Variants in PARD3B observed in about 807,000 individuals in gnomAD.
PARD3B encodes the protein par-3 family cell polarity regulator beta.
Under a neutral mutation model 130.2 loss-of-function variants are expected in PARD3B, and 103 were observed. The ratio of observed to expected loss-of-function variants is 0.79; its 90% CI spans 0.67 to 0.93. PARD3B has a LOEUF of 0.93. Among genes scored for constraint, PARD3B ranks in the 40% least tolerant of loss-of-function variants. PARD3B has a pLI of 0.00. For missense variants in PARD3B, 1,609 were observed against 1,499.2 expected (o/e 1.07, Z -1.21); for synonymous variants, 583 against 553.2 (o/e 1.05, Z -0.76).
chr2:205,570,082 C>G (rs2053506978), intron 22 of PARD3B, among the ~76,000 whole-genome samples: 2 of 152,050 alleles, frequency 1.3e-5, no homozygotes, highest in African/African-American at 4.8e-5. Context: ...GAGACTTGTC[C>G]TGAGATTGTG....
rs913096857 is a variant in PARD3B, at chr2:204,836,250, AT to A, written c.223-128894del. Among the ~76,000 whole-genome samples, 411 of 152,208 alleles carry A rather than the reference AT, an allele frequency of 2.7e-3. 2 individuals are homozygous for A. The highest frequency in any genetic ancestry group is 9.2e-3 in the African/African-American group (381 of 41,520). On this transcript the variant is annotated intron_variant, in intron 2 of 22. Transcript: ENST00000406610. ...TCATTCTATAATGTTTTACAGGAGA[AT>A]TTTTTTTATCTCAGAAATAAGAATT...
intron 19 of PARD3B, among the ~76,000 whole-genome samples, chr2:205,423,188 C>A (rs889804583): frequency 3.3e-5 from 5 of 152,120 alleles, no homozygotes; most frequent in African/African-American, 1.2e-4. Flanking sequence ...GGTTGCTGAG[C>A]GGCGATTGCC....
chr2:204,728,213 T>C (rs2039326818), intron 2 of PARD3B, among the ~76,000 whole-genome samples: 1 of 152,158 alleles, frequency 6.6e-6, no homozygotes, highest in African/African-American at 2.4e-5. Flanking sequence ...CATTTTTATT[T>C]CTCAATCCAT....
chr2:205,349,749 A>T (rs948688140), intron 18 of PARD3B, among the ~76,000 whole-genome samples: 1 of 151,478 alleles, frequency 6.6e-6, no homozygotes, highest in Non-Finnish European at 1.5e-5. Flanking sequence ...TAATATTAGG[A>T]AGGAAATATG....
intron 22 of PARD3B, among the ~76,000 whole-genome samples, chr2:205,594,401 A>G (rs769191145): frequency 5.3e-5 from 8 of 152,120 alleles, no homozygotes; most frequent in Non-Finnish European, 1.0e-4. Flanking sequence ...AAAGTGGGGA[A>G]TTGGGATGGC....
chr2:205,599,933 C>G (rs1483090283), intron 22 of PARD3B, among the ~76,000 whole-genome samples: 1 of 152,132 alleles, frequency 6.6e-6, no homozygotes, highest in Non-Finnish European at 1.5e-5. Flanking sequence ...ACAGTATTAC[C>G]ATGCTTTCAT....
chr2:204,654,220 T>G (rs1210663713), intron 1 of PARD3B, among the ~76,000 whole-genome samples: 1 of 151,210 alleles, frequency 6.6e-6, no homozygotes, highest in Non-Finnish European at 1.5e-5. Context: ...ATCTAATACC[T>G]TTCATATAAG....
intron 19 of PARD3B, among the ~76,000 whole-genome samples, chr2:205,417,772 A>G (rs74761514): frequency 5.9e-5 from 9 of 152,288 alleles, no homozygotes; most frequent in African/African-American, 2.2e-4. Context: ...TGAAACACAG[A>G]AATTTTTCTG....
chr2:204,988,923 G>A (rs1002897628), intron 3 of PARD3B, among the ~76,000 whole-genome samples: 1 of 152,152 alleles, frequency 6.6e-6, no homozygotes, highest in African/African-American at 2.4e-5. Context: ...GCTACAAAAA[G>A]AAATACGTTC....
chr2:204,665,264 G>T (rs2035974007), intron 1 of PARD3B, among the ~76,000 whole-genome samples: 1 of 152,030 alleles, frequency 6.6e-6, no homozygotes, highest in Non-Finnish European at 1.5e-5. Flanking sequence ...TATATCTTTT[G>T]ACCATATTAT....
At chr2:204,861,623 T>G (rs1164395068) in intron 2 of PARD3B, among the ~76,000 whole-genome samples, 1 of 152,086 alleles carries the variant, frequency 6.6e-6, no homozygotes, top group Non-Finnish European at 1.5e-5. Flanking sequence ...AAAATTACCA[T>G]CATAATGATT....
At chr2:205,415,711 A>G (rs1188288106) in intron 19 of PARD3B, among the ~76,000 whole-genome samples, 1 of 152,128 alleles carries the variant, frequency 6.6e-6, no homozygotes, top group East Asian at 1.9e-4. Context: ...CATAAGCTTG[A>G]CTGTGCCTCA....
rs1228780750 is a variant in PARD3B at position 205,274,058 on chromosome 2, CATA to C, written c.2186-26471_2186-26469del. On this transcript the variant is annotated intron_variant, in intron 16 of 22. Transcript: ENST00000406610. This position sits in a 1 kb window ranked among gnomAD's most constrained non-coding sequence, Gnocchi z 4.2. ...GGATTGGCTCCTGTTTTGTGTTATC[CATA>C]TTATTAGCTCAGCTCATCTAGATCT... Among the ~76,000 whole-genome samples, 1 of 152,000 alleles carries C rather than the reference CATA, an allele frequency of 6.6e-6. No homozygotes were observed. Among genetic ancestry groups the C allele is most frequent in the Non-Finnish European group, 1.5e-5 (1 of 67,994 alleles).
chr2:205,329,449 C>G (rs2043038551), intron 18 of PARD3B, among the ~76,000 whole-genome samples: 1 of 152,290 alleles, frequency 6.6e-6, no homozygotes, highest in East Asian at 1.9e-4. Flanking sequence ...TTAGCTCAGA[C>G]AGTGGATGAC....
intron 2 of PARD3B, among the ~76,000 whole-genome samples, chr2:204,733,019 C>T (rs1350642584): frequency 6.6e-6 from 1 of 151,968 alleles, no homozygotes; most frequent in Non-Finnish European, 1.5e-5. Flanking sequence ...TAAAGGGATT[C>T]ACACAAGGGA....
At chr2:205,531,988 C>T (rs535085888) in intron 21 of PARD3B, among the ~76,000 whole-genome samples, 1 of 152,130 alleles carries the variant, frequency 6.6e-6, no homozygotes, top group South Asian at 2.1e-4. Context: ...CAGGGAAATG[C>T]ATTCTAGCAG....
chr2:205,215,175 A>G (rs2037843113), intron 15 of PARD3B, among the ~76,000 whole-genome samples: 1 of 152,130 alleles, frequency 6.6e-6, no homozygotes, highest in Non-Finnish European at 1.5e-5. Context: ...GCTTATTTCA[A>G]TGAAAAGAGA....
chr2:204,648,588 AT>A (rs2035355500), intron 1 of PARD3B, among the ~76,000 whole-genome samples: 1 of 126,456 alleles, frequency 7.9e-6, no homozygotes, highest in African/African-American at 3.1e-5. Flanking sequence ...TATATATTAT[AT>A]TATATATAAT....
At chr2:205,113,422 GTATTTTAGA>G in intron 5 of PARD3B, 60 bp from the exon 6 acceptor site, 4 of 859,100 alleles carry the variant, frequency 4.7e-6, no homozygotes, top group Non-Finnish European at 7.6e-6. Flanking sequence ...GTGTGTGTGT[GTATTTTAGA>G]TGTGCTCCCT....
Sources: allele counts gnomAD v4.1 joint callset (sites outside exome capture counted in the v4.1 genomes callset), GRCh38; gene constraint gnomAD v4.1.1; non-coding constraint Gnocchi (gnomAD v3.1); transcripts MANE v1.5; gene names NCBI Gene and HGNC (gene_info 2026-07-23, HGNC 2026-07-21).